RMND1: variants seen among roughly 807,000 people sequenced by gnomAD.
RMND1 encodes the protein required for meiotic nuclear division 1 homolog, also known as required for meiotic nuclear division protein 1 homolog.
RMND1 carries 41 observed loss-of-function variants against 54.0 expected under a neutral mutation model. That is an observed-to-expected ratio of 0.76 (90% CI 0.59 to 0.98). RMND1 has a LOEUF of 0.98. Ranked by LOEUF, RMND1 falls within the 50% of genes least tolerant of loss-of-function variation. The probability of loss-of-function intolerance (pLI) is 0.00; values close to 1 mark genes in which losing one functional copy is unlikely to be tolerated. For synonymous variants in RMND1, 183 were observed against 181.7 expected (o/e 1.01, Z -0.06); for missense variants, 457 against 532.0 (o/e 0.86, Z 1.39).
chr6:151,405,951 C>T (rs9371514), intron 10 of RMND1, 115 bp from the exon 11 acceptor site: 5,598 of 518,286 alleles, frequency 0.011, 275 homozygotes, highest in Admixed American at 0.1. Flanking sequence ...TCCCCAAAGG[C>T]AGCCACCAAC....
chr6:151,432,668 G>A (rs1208457422), intron 4 of RMND1, among the ~76,000 whole-genome samples: 2 of 152,060 alleles, frequency 1.3e-5, no homozygotes, highest in Admixed American at 1.3e-4. Flanking sequence ...GTATTGAGTC[G>A]GCCTTTAGAT....
intron 2 of RMND1, among the ~76,000 whole-genome samples, chr6:151,442,730 G>A (rs922363739): frequency 1.3e-5 from 2 of 150,574 alleles, no homozygotes; most frequent in African/African-American, 4.9e-5. Flanking sequence ...TTTAGAAATG[G>A]GAGTCTTGCT....
chr6:151,417,732 ACTT>A (rs2114930494), intron 9 of RMND1, among the ~76,000 whole-genome samples: 1 of 152,284 alleles, frequency 6.6e-6, no homozygotes, highest in Non-Finnish European at 1.5e-5. Context: ...TGAGTTTCAA[ACTT>A]CTGAACCAAA....
At chr6:151,447,953 A>G (rs922499308) in intron 1 of RMND1, among the ~76,000 whole-genome samples, 4 of 151,604 alleles carry the variant, frequency 2.6e-5, no homozygotes, top group African/African-American at 9.7e-5. Context: ...AGCTGGGATT[A>G]CAGGTGTCTG....
chr6:151,422,215 C>T (rs764277081), intron 8 of RMND1, among the ~76,000 whole-genome samples: 18 of 152,028 alleles, frequency 1.2e-4, no homozygotes, highest in Admixed American at 7.9e-4. Context: ...GCATCTGTAC[C>T]GAACATGTAC....
chr6:151,407,749 T>C (rs903000705), intron 10 of RMND1, among the ~76,000 whole-genome samples: 6 of 151,746 alleles, frequency 4.0e-5, no homozygotes, highest in Admixed American at 1.3e-4. Flanking sequence ...CTACTAAAAA[T>C]ACAAAAAAAT....
rs1297567319 is a variant in RMND1, at chr6:151,421,257, A to G, written c.1067T>C (p.Leu356Pro). The G allele has an allele frequency of 1.9e-6, 3 of 1,608,318 alleles. No homozygotes were observed. Among genetic ancestry groups the G allele is most frequent in the African/African-American group, 1.3e-5 (1 of 74,790 alleles). ...AGAAAACTTTTACCTTAGAGCAAAG[A>G]GTTCACCGATTTTCTGCATAACTTC... ...HEEVMQKIGE[L>P]FALRHRINLS... The change falls in exon 9 of 12, where the codon CTC becomes CCC. Residue 356 changes from leucine (L) to proline (P), a missense_variant. Leu to Pro is a moderately conservative substitution (Grantham distance 98). Coordinates refer to ENST00000444024, the MANE Select transcript of RMND1 (RefSeq NM_017909.4).
At chr6:151,433,283 T>C (rs1780497047) in intron 3 of RMND1, 53 bp from the exon 4 acceptor site, 1 of 1,193,868 alleles carries the variant, frequency 8.4e-7, no homozygotes, top group Admixed American at 1.8e-5. Flanking sequence ...ACACAAGTTG[T>C]AAGAGTCACC....
At position 151,436,117 on chromosome 6, in the gene RMND1, A is replaced by C. The variant is rs111365457; in HGVS notation, c.613+329T>G. On this transcript the variant is annotated intron_variant, in intron 3 of 11. Coordinates refer to ENST00000444024, the MANE Select transcript of RMND1 (RefSeq NM_017909.4). Reference sequence around the variant, plus strand: ...TGAAACTCCATCCCAAAAAACAAAAAAAAAAAAAACACAAAACACACACAG... The same window carrying C: ...TGAAACTCCATCCCAAAAAACAAAACAAAAAAAAACACAAAACACACACAG... The C allele has an allele frequency of 0.26, 51,135 of 198,030 alleles. 8,422 individuals are homozygous for C. The highest frequency in any genetic ancestry group is 0.47 in the African/African-American group (19,700 of 41,772). The allele number at this position is 198,030 out of a possible 1,614,324, so 12.3% of individuals were successfully genotyped here.
chr6:151,444,815 CT>C (rs1184843131), intron 2 of RMND1, among the ~76,000 whole-genome samples: 1 of 152,068 alleles, frequency 6.6e-6, no homozygotes, highest in African/African-American at 2.4e-5. Flanking sequence ...CCCCTTAAAC[CT>C]TAAGAGGATA....
intron 10 of RMND1, among the ~76,000 whole-genome samples, chr6:151,412,078 C>CTG (rs1779856063): frequency 6.6e-6 from 1 of 152,068 alleles, no homozygotes; most frequent in Non-Finnish European, 1.5e-5. Flanking sequence ...TGGCTCACTG[C>CTG]AACCTCTGCC....
intron 10 of RMND1, chr6:151,409,032 A>G (rs1340667923): frequency 6.6e-6 from 1 of 152,246 alleles, no homozygotes; most frequent in Non-Finnish European, 1.5e-5. Flanking sequence ...TTGTTTTAAC[A>G]TTTACTGTAC....
intron 3 of RMND1, chr6:151,436,216 AATG>A: frequency 4.4e-6 from 2 of 451,754 alleles, no homozygotes; most frequent in Non-Finnish European, 8.0e-6. Context: ...CTCAAGTAAT[AATG>A]ATCCTATAAA....
chr6:151,417,319 T>C lies in RMND1; in HGVS notation c.1160A>G (p.Asp387Gly), dbSNP rs1468226068. Reference sequence around the variant, plus strand: ...AATGCTAAGGAATTGACACGTTTTATCGTAAAGTCCTTCCAGGTTTTCTCT... The same window carrying C: ...AATGCTAAGGAATTGACACGTTTTACCGTAAAGTCCTTCCAGGTTTTCTCT... The part of the protein sequence containing the change: ...WDRENLEGLY[D>G]KTCQFLSIGR... The change falls in exon 10 of 12, where the codon GAT becomes GGT. Residue 387 changes from aspartate (D) to glycine (G), a missense_variant. Coordinates refer to ENST00000444024, the MANE Select transcript of RMND1 (RefSeq NM_017909.4). The C allele has an allele frequency of 2.5e-6, 4 of 1,613,886 alleles. No homozygotes were observed. Among genetic ancestry groups the C allele is most frequent in the South Asian group, 1.1e-5 (1 of 91,008 alleles).
At chr6:151,438,828 C>A (rs1780689418) in intron 2 of RMND1, among the ~76,000 whole-genome samples, 1 of 150,430 alleles carries the variant, frequency 6.6e-6, no homozygotes, top group African/African-American at 2.4e-5. Flanking sequence ...AACCCAAAAA[C>A]CTTGGCAAGG....
At chr6:151,417,820 T>A (rs1780049702) in intron 9 of RMND1, among the ~76,000 whole-genome samples, 1 of 151,990 alleles carries the variant, frequency 6.6e-6, no homozygotes, top group Non-Finnish European at 1.5e-5. Flanking sequence ...AATTTTTTTT[T>A]TTTTTTTGAG....
At chr6:151,415,625 C>T (rs1037931151) in intron 10 of RMND1, among the ~76,000 whole-genome samples, 2 of 151,704 alleles carry the variant, frequency 1.3e-5, no homozygotes, top group East Asian at 3.9e-4. Flanking sequence ...CCCATCTCTA[C>T]TAAAAATACA....
chr6:151,446,852 G>A (rs1164385978), intron 1 of RMND1, among the ~76,000 whole-genome samples: 1 of 151,622 alleles, frequency 6.6e-6, no homozygotes, highest in Non-Finnish European at 1.5e-5. Context: ...AGTGAGCCAG[G>A]ATTGCCCCAC....
At chr6:151,445,278 G>T (rs1780918570) in intron 2 of RMND1, 30 bp downstream of exon 2, 2 of 1,576,890 alleles carry the variant, frequency 1.3e-6, no homozygotes, top group Middle Eastern at 1.7e-4. Context: ...TGATCACTAA[G>T]CACGAGAGCC....
Sources: gnomAD v4.1 joint callset for allele counts (sites outside exome capture counted in the v4.1 genomes callset) on GRCh38, gnomAD v4.1.1 for gene constraint, MANE v1.5 for transcripts, NCBI Gene and HGNC (gene_info 2026-07-23, HGNC 2026-07-21) for gene names.